Variants in TNNI3K observed in about 807,000 individuals in gnomAD.
TNNI3K encodes the protein serine/threonine-protein kinase TNNI3K.
Under a neutral mutation model 114.5 loss-of-function variants are expected in TNNI3K, and 140 were observed. The observed-to-expected ratio is 1.22, with a 90% confidence interval of 1.07 to 1.41. TNNI3K has a LOEUF of 1.41. Among genes scored for constraint, TNNI3K ranks in the 40% most tolerant of loss-of-function variants. TNNI3K has a pLI of 0.00. For missense variants in TNNI3K, 1,125 were observed against 1,007.6 expected (o/e 1.12, Z -1.58); for synonymous variants, 347 against 347.5 (o/e 1.00, Z 0.02).
At chr1:74,380,461 C>A (rs1029989031) in intron 17 of TNNI3K, among the ~76,000 whole-genome samples, 12 of 152,104 alleles carry the variant, frequency 7.9e-5, no homozygotes, top group South Asian at 2.1e-4. Context: ...ACTGTACCTT[C>A]CCTGTAACAA....
chr1:74,470,655 C>T (rs1667881868), intron 21 of TNNI3K: 1 of 400,418 alleles, frequency 2.5e-6, no homozygotes, highest in Non-Finnish European at 4.4e-6. Flanking sequence ...CATTTTCTTC[C>T]TTATCCATAA....
At chr1:74,432,383 A>G (rs1248162245) in intron 17 of TNNI3K, among the ~76,000 whole-genome samples, 1 of 152,100 alleles carries the variant, frequency 6.6e-6, no homozygotes, top group Non-Finnish European at 1.5e-5. Flanking sequence ...AATGGATGTA[A>G]ATAAACCTCT....
chr1:74,521,046 C>A (rs1446100143), intron 23 of TNNI3K, among the ~76,000 whole-genome samples: 1 of 152,134 alleles, frequency 6.6e-6, no homozygotes, highest in South Asian at 2.1e-4. Flanking sequence ...CCTGACTGGA[C>A]AGAGTGTTCT....
chr1:74,246,359 A>T (rs1470854492), intron 2 of TNNI3K, among the ~76,000 whole-genome samples: 5 of 152,250 alleles, frequency 3.3e-5, no homozygotes, highest in Non-Finnish European at 4.4e-5. Flanking sequence ...TTCAAATAGT[A>T]GAGGTATTCA....
chr1:74,318,151 C>T (rs1659420548), intron 5 of TNNI3K, among the ~76,000 whole-genome samples: 1 of 152,106 alleles, frequency 6.6e-6, no homozygotes, highest in Non-Finnish European at 1.5e-5. Flanking sequence ...TCCTTCATTG[C>T]CTGATGTCCA....
At chr1:74,271,749 T>A in intron 5 of TNNI3K, 41 bp downstream of exon 5, 2 of 1,514,072 alleles carry the variant, frequency 1.3e-6, no homozygotes, top group Non-Finnish European at 1.8e-6. Flanking sequence ...AAAGGTTATT[T>A]ACCTTTTCGG....
At chr1:74,490,110 A>G (rs1346527966) in intron 22 of TNNI3K, among the ~76,000 whole-genome samples, 2 of 151,060 alleles carry the variant, frequency 1.3e-5, no homozygotes, top group Non-Finnish European at 2.9e-5. Context: ...AGTCTATTGG[A>G]AAAGGATTTG....
At chr1:74,457,962 A>G (rs1013938044) in intron 20 of TNNI3K, among the ~76,000 whole-genome samples, 9 of 152,180 alleles carry the variant, frequency 5.9e-5, no homozygotes, top group Non-Finnish European at 1.0e-4. Context: ...CCTAAAAAGG[A>G]CCTAAGTTGA....
intron 4 of TNNI3K, among the ~76,000 whole-genome samples, chr1:74,263,090 G>A (rs1286572069): frequency 6.6e-6 from 1 of 152,060 alleles, no homozygotes; most frequent in African/African-American, 2.4e-5. Flanking sequence ...AGATATGAGA[G>A]AGTGGCAAAG....
At chr1:74,538,478 G>A (rs1646687355) in intron 23 of TNNI3K, among the ~76,000 whole-genome samples, 1 of 152,148 alleles carries the variant, frequency 6.6e-6, no homozygotes, top group African/African-American at 2.4e-5. Context: ...CAGGGAACAA[G>A]AGAAACAATT....
In TNNI3K at chr1:74,544,167, A is replaced by T. The variant is rs949027077; in HGVS notation, c.*185A>T. 3.5e-6 allele frequency: 2 copies of T among 571,962 alleles called. No homozygotes were observed. The highest frequency in any genetic ancestry group is 4.0e-5 in the Admixed American group (1 of 24,858). The allele number at this position is 571,962 out of a possible 1,614,324, so 35.4% of individuals were successfully genotyped here. ...GCTTTGGATTTGTGCCTAAGGAATA[A>T]TATGCAAAAGAACCAAGACAGAATG... On this transcript the variant is annotated 3_prime_UTR_variant, in exon 25 of 25. Coordinates refer to ENST00000326637, the MANE Select transcript of TNNI3K (RefSeq NM_015978.3).
At chr1:74,482,922 A>G (rs867702676) in intron 21 of TNNI3K, among the ~76,000 whole-genome samples, 2 of 152,194 alleles carry the variant, frequency 1.3e-5, no homozygotes, top group South Asian at 4.1e-4. Context: ...ATTCATTGAT[A>G]TTTCTTCCAG....
intron 17 of TNNI3K, among the ~76,000 whole-genome samples, chr1:74,409,915 T>C (rs1381215737): frequency 6.6e-6 from 1 of 152,208 alleles, no homozygotes; most frequent in African/African-American, 2.4e-5. Flanking sequence ...ACTATGAAAG[T>C]CAATGAGTGA....
chr1:74,501,756 G>A (rs1228223000), intron 23 of TNNI3K, among the ~76,000 whole-genome samples: 2 of 151,802 alleles, frequency 1.3e-5, no homozygotes, highest in African/African-American at 2.4e-5. Flanking sequence ...CAAAGTGCTG[G>A]GATTACAAGC....
At chr1:74,426,438 T>C (rs1022503685) in intron 17 of TNNI3K, among the ~76,000 whole-genome samples, 14 of 152,124 alleles carry the variant, frequency 9.2e-5, no homozygotes, top group Non-Finnish European at 1.3e-4. Flanking sequence ...GAAAACCTTG[T>C]TCGTTGATAA....
At chr1:74,390,483 T>C (rs548299494) in intron 17 of TNNI3K, among the ~76,000 whole-genome samples, 1 of 152,312 alleles carries the variant, frequency 6.6e-6, no homozygotes, top group Admixed American at 6.5e-5. Context: ...AAGTGATATA[T>C]TCATTGAGGT....
chr1:74,407,938 T>C (rs1246424932), intron 17 of TNNI3K, among the ~76,000 whole-genome samples: 2 of 152,108 alleles, frequency 1.3e-5, no homozygotes, highest in African/African-American at 2.4e-5. Context: ...ATTTTTCCTT[T>C]CAAAGTTCCA....
At chr1:74,439,747 A>G (rs1481075910) in intron 20 of TNNI3K, 125 bp downstream of exon 20, 13 of 1,433,268 alleles carry the variant, frequency 9.1e-6, no homozygotes, top group Non-Finnish European at 9.3e-7. Context: ...AGGTAAGCAA[A>G]CAATCTTAAA....
intron 23 of TNNI3K, among the ~76,000 whole-genome samples, chr1:74,518,542 C>T (rs1646381474): frequency 6.6e-6 from 1 of 152,164 alleles, no homozygotes; most frequent in Non-Finnish European, 1.5e-5. Context: ...ATGGTTCCCA[C>T]TGCTTACAGA....
Sources: gnomAD v4.1 joint callset for allele counts (sites outside exome capture counted in the v4.1 genomes callset) on GRCh38, gnomAD v4.1.1 for gene constraint, MANE v1.5 for transcripts, NCBI Gene and HGNC (gene_info 2026-07-23, HGNC 2026-07-21) for gene names.